BCAR3: variants seen among roughly 807,000 people sequenced by gnomAD.
The protein encoded by BCAR3 is breast cancer anti-estrogen resistance protein 3.
BCAR3 carries 37 observed loss-of-function variants against 80.1 expected under a neutral mutation model. The ratio of observed to expected loss-of-function variants is 0.46; its 90% CI spans 0.36 to 0.61. The LOEUF (loss-of-function observed/expected upper bound fraction) is 0.61, where lower values mean the gene tolerates loss of function less well. BCAR3 is among the 20% of genes least tolerant of loss of function. BCAR3 has a pLI of 0.00. For synonymous variants in BCAR3, 389 were observed against 418.9 expected, an observed-to-expected ratio of 0.93 and a Z score of 0.87; for missense variants, 978 against 1,068.2, an observed-to-expected ratio of 0.92 and a Z score of 1.18.
At chr1:93,682,680 A>G (rs1457812999), upstream of BCAR3, among the ~76,000 whole-genome samples, 1 of 152,140 alleles carries the variant, frequency 6.6e-6, no homozygotes, top group African/African-American at 2.4e-5. Flanking sequence ...TCAGCTTCCC[A>G]AGTAGCTGGG....
At chr1:93,768,547 C>A (rs569365589) in intron 2 of BCAR3, among the ~76,000 whole-genome samples, 1 of 152,128 alleles carries the variant, frequency 6.6e-6, no homozygotes, top group East Asian at 1.9e-4. Flanking sequence ...TGTGCTGAAT[C>A]TTGGTAACTA....
intron 3 of BCAR3, among the ~76,000 whole-genome samples, chr1:93,629,697 C>CA (rs1675552235): frequency 6.6e-6 from 1 of 152,214 alleles, no homozygotes. Flanking sequence ...CTAAAGCTAG[C>CA]AATCCAGGCC....
chr1:93,653,624 CAG>C (rs1265423017), intron 2 of BCAR3, among the ~76,000 whole-genome samples: 3 of 152,172 alleles, frequency 2.0e-5, no homozygotes, highest in Admixed American at 2.0e-4. Flanking sequence ...CCCCTGACTC[CAG>C]AGAGGTTACA....
upstream of BCAR3, chr1:93,847,616 G>A (rs1557710087): frequency 6.6e-6 from 1 of 152,656 alleles, no homozygotes; most frequent in Non-Finnish European, 1.5e-5. Context: ...TCTAGAGGCT[G>A]AAGGCATTCA....
At chr1:93,572,656 A>G (rs533005615) in intron 8 of BCAR3, among the ~76,000 whole-genome samples, 2 of 152,334 alleles carry the variant, frequency 1.3e-5, no homozygotes, top group East Asian at 3.9e-4. Flanking sequence ...ACTGTAAATC[A>G]GGACCCAGGA....
intron 2 of BCAR3, among the ~76,000 whole-genome samples, chr1:93,824,578 A>G (rs909244151): frequency 1.1e-4 from 15 of 132,448 alleles, no homozygotes; most frequent in African/African-American, 3.8e-4. Flanking sequence ...CTCTCCTTGC[A>G]TCCCCGACCT....
intron 2 of BCAR3, among the ~76,000 whole-genome samples, chr1:93,713,441 G>A (rs1650094226): frequency 6.6e-6 from 1 of 152,130 alleles, no homozygotes; most frequent in Admixed American, 6.5e-5. Context: ...CAAATTCCTG[G>A]TGATGTCATC....
chr1:93,592,315 T>C lies in BCAR3; in HGVS notation c.436A>G (p.Ser146Gly), dbSNP rs757265824. Residue 146 changes from serine (S) to glycine (G), a missense_variant, in exon 4 of 12, where the codon AGC (serine) becomes GGC (glycine). By Grantham distance (56) the Ser-to-Gly change is moderately conservative (BLOSUM62 0). Coordinates refer to ENST00000260502, the MANE Select transcript of BCAR3 (RefSeq NM_003567.4). This position sits in a 1 kb window ranked among gnomAD's most constrained non-coding sequence, Gnocchi z 4.8. ...CAGGCATGGCTGCGCAGGTCCTCGC[T>C]GCTCAGGAGCAGCTCCTCCTCCAGC... The part of the protein sequence containing the change: ...KELEEELLLS[S>G]EDLRSHAWYH... The C allele has an allele frequency of 6.2e-7, 1 of 1,611,976 alleles. No homozygotes were observed. The highest frequency in any genetic ancestry group is 8.5e-7 in the Non-Finnish European group (1 of 1,179,946).
chr1:93,686,767 C>A (rs190599330), upstream of BCAR3, among the ~76,000 whole-genome samples: 42 of 152,330 alleles, frequency 2.8e-4, no homozygotes, highest in East Asian at 7.3e-3. Context: ...GCTGGAGGGA[C>A]AAACTCAGTT....
At chr1:93,568,829 CTT>C (rs1450496223) in intron 9 of BCAR3, among the ~76,000 whole-genome samples, 1 of 152,156 alleles carries the variant, frequency 6.6e-6, no homozygotes, top group Non-Finnish European at 1.5e-5. Flanking sequence ...AGTTTTATGA[CTT>C]TTCTTCTTTG....
chr1:93,683,541 A>G (rs895530565), upstream of BCAR3, among the ~76,000 whole-genome samples: 5 of 152,212 alleles, frequency 3.3e-5, no homozygotes, highest in African/African-American at 1.2e-4. Flanking sequence ...CAAAAAGAAA[A>G]CAACCCAAAT....
At chr1:93,784,327 T>C (rs1022283012) in intron 2 of BCAR3, among the ~76,000 whole-genome samples, 1 of 151,842 alleles carries the variant, frequency 6.6e-6, no homozygotes, top group Non-Finnish European at 1.5e-5. Context: ...AGGATTATGG[T>C]TATTGATGAG....
At position 93,735,598 on chromosome 1, in the gene BCAR3, A is replaced by G. The variant is rs529347967; in HGVS notation, c.-62-29456T>C. ...TTATATTTTGTAGACATTTAATTCAATTTATCAATTTTGATTCTGGAGTTT... is the reference window on the plus strand; with the variant it reads ...TTATATTTTGTAGACATTTAATTCAGTTTATCAATTTTGATTCTGGAGTTT... On this transcript the variant is annotated intron_variant, in intron 2 of 13. Coordinates refer to the BCAR3 transcript ENST00000370244. Among the ~76,000 whole-genome samples, 6 of 152,354 alleles carry G rather than the reference A, an allele frequency of 3.9e-5. No individual in the cohort carries two copies. The South Asian group carries it at 1.2e-3, about 32-fold the overall frequency.
At chr1:93,846,132 G>A (rs1286169248) in intron 1 of BCAR3, among the ~76,000 whole-genome samples, 1 of 150,494 alleles carries the variant, frequency 6.6e-6, no homozygotes, top group Non-Finnish European at 1.5e-5. Context: ...CCGCCCCATA[G>A]CTTCGTCTTG....
chr1:93,619,759 C>T (rs1016628375), intron 3 of BCAR3, among the ~76,000 whole-genome samples: 1 of 152,236 alleles, frequency 6.6e-6, no homozygotes, highest in Non-Finnish European at 1.5e-5. Context: ...TTCTCTGTCT[C>T]ACAAGCACCT....
intron 2 of BCAR3, among the ~76,000 whole-genome samples, chr1:93,715,758 C>G (rs1019219897): frequency 5.9e-5 from 9 of 152,198 alleles, no homozygotes; most frequent in African/African-American, 2.2e-4. Context: ...GGTGGCTCTT[C>G]AGGAGAAATG....
At chr1:93,609,321 T>A (rs968047351) in intron 3 of BCAR3, among the ~76,000 whole-genome samples, 1 of 152,196 alleles carries the variant, frequency 6.6e-6, no homozygotes, top group African/African-American at 2.4e-5. Flanking sequence ...TGGCTGCTCA[T>A]TGACAAGACC....
At chr1:93,562,619 A>AAATT (rs1299627378) in intron 11 of BCAR3, among the ~76,000 whole-genome samples, 200 bp from the exon 12 acceptor site, 4 of 151,634 alleles carry the variant, frequency 2.6e-5, no homozygotes, top group Admixed American at 6.6e-5. Context: ...AAAATACAAA[A>AAATT]AATTAGCCAG....
chr1:93,695,165 G>C (rs1649346052), intron 3 of BCAR3, among the ~76,000 whole-genome samples: 1 of 152,104 alleles, frequency 6.6e-6, no homozygotes, highest in South Asian at 2.1e-4. Context: ...CCCACCCATG[G>C]TTAATCACAT....
Sources: gnomAD v4.1 joint callset for allele counts (sites outside exome capture counted in the v4.1 genomes callset) on GRCh38, gnomAD v4.1.1 for gene constraint, Gnocchi (gnomAD v3.1) non-coding constraint, MANE v1.5 for transcripts, NCBI Gene and HGNC (gene_info 2026-07-23, HGNC 2026-07-21) for gene names.